The following SH2D4A variants were observed in gnomAD, a reference collection of about 807,000 sequenced individuals.
The protein encoded by SH2D4A is SH2 domain containing 4A.
SH2D4A carries 70 observed loss-of-function variants against 64.7 expected under a neutral mutation model. The ratio of observed to expected loss-of-function variants is 1.08; its 90% CI spans 0.89 to 1.32. The LOEUF is 1.32. Ranked by LOEUF, SH2D4A falls within the 40% of genes most tolerant of loss-of-function variation. SH2D4A has a pLI of 0.00. For missense variants in SH2D4A, 706 were observed against 540.1 expected (o/e 1.31, Z -3.04); for synonymous variants, 268 against 200.7 (o/e 1.34, Z -2.83).
intron 4 of SH2D4A, among the ~76,000 whole-genome samples, chr8:19,338,465 C>G (rs2052477457): frequency 6.6e-6 from 1 of 152,218 alleles, no homozygotes; most frequent in East Asian, 1.9e-4. Flanking sequence ...GAAGATTATC[C>G]TTGAATATCC....
chr8:19,380,648 G>A (rs1249930613), intron 8 of SH2D4A, among the ~76,000 whole-genome samples: 1 of 152,096 alleles, frequency 6.6e-6, no homozygotes, highest in Non-Finnish European at 1.5e-5. Context: ...CCTACTGAAT[G>A]GTGTTAGCAC....
intron 8 of SH2D4A, 83 bp from the exon 9 acceptor site, chr8:19,393,235 T>C: frequency 7.9e-7 from 1 of 1,270,690 alleles, no homozygotes; most frequent in Admixed American, 1.7e-5. Flanking sequence ...TCATTGACTC[T>C]ATATCCATGC....
At position 19,392,682 on chromosome 8, in the gene SH2D4A, G is replaced by A. The variant is rs537736595; in HGVS notation, c.1049-636G>A. 3.0e-4 allele frequency among the ~76,000 whole-genome samples: 45 copies of A among 151,998 alleles called. 1 individual carries two copies. The highest frequency in any genetic ancestry group is 2.3e-3 in the Admixed American group (35 of 15,280). On this transcript the variant is annotated intron_variant, in intron 8 of 9. Coordinates refer to ENST00000265807, the MANE Select transcript of SH2D4A (RefSeq NM_022071.4). ...GCGTTCTGTTAGACCCTTATAAACC[G>A]TCTAACACCTGTGTGTTGCTCTAAA...
intron 4 of SH2D4A, among the ~76,000 whole-genome samples, chr8:19,346,919 C>A (rs372703191): frequency 5.3e-5 from 8 of 152,282 alleles, no homozygotes; most frequent in African/African-American, 1.9e-4. Context: ...CTTCGTCCTT[C>A]GCATTCTTCA....
At chr8:19,358,151 T>C (rs1322945364) in intron 5 of SH2D4A, among the ~76,000 whole-genome samples, 1 of 152,234 alleles carries the variant, frequency 6.6e-6, no homozygotes, top group Non-Finnish European at 1.5e-5. Flanking sequence ...GACATTTTCA[T>C]TAATTCTGCT....
chr8:19,372,212 T>TA (rs1378994769), intron 7 of SH2D4A, among the ~76,000 whole-genome samples: 7 of 152,172 alleles, frequency 4.6e-5, no homozygotes, highest in Non-Finnish European at 1.0e-4. Flanking sequence ...TTAGAATTCT[T>TA]AAATTGTTTC....
chr8:19,351,484 T>G (rs1456344636), intron 4 of SH2D4A, among the ~76,000 whole-genome samples: 1 of 152,082 alleles, frequency 6.6e-6, no homozygotes, highest in East Asian at 1.9e-4. Context: ...GCGCCTGTAG[T>G]CCCAGCTACT....
At chr8:19,372,280 T>C (rs1315650459) in intron 7 of SH2D4A, among the ~76,000 whole-genome samples, 7 of 152,140 alleles carry the variant, frequency 4.6e-5, no homozygotes, top group Admixed American at 4.6e-4. Flanking sequence ...AGTCCAGGCT[T>C]GCTGCAGCTC....
chr8:19,385,470 G>T lies in SH2D4A; in HGVS notation c.1049-7848G>T, dbSNP rs568115319. On this transcript the variant is annotated intron_variant, in intron 8 of 9. Coordinates refer to ENST00000265807, the MANE Select transcript of SH2D4A (RefSeq NM_022071.4). The stretch of plus-strand genomic sequence containing the variant: ...CCCACCTTGGCCTCCCAAAGTGCTG[G>T]GATTACAGGCCTGAGCCACCACGCC... 5.3e-5 allele frequency among the ~76,000 whole-genome samples: 8 copies of T among 152,028 alleles called. No homozygotes were observed. In the East Asian group the frequency reaches 9.7e-4, roughly 18 times the overall value.
chr8:19,338,380 C>A (rs1187443313), intron 4 of SH2D4A, among the ~76,000 whole-genome samples: 5 of 152,158 alleles, frequency 3.3e-5, no homozygotes, highest in African/African-American at 1.2e-4. Flanking sequence ...TTAGATCTCT[C>A]AGACCCACGA....
At chr8:19,364,337 A>C in intron 7 of SH2D4A, 55 bp downstream of exon 7, 2 of 1,588,946 alleles carry the variant, frequency 1.3e-6, no homozygotes, top group Non-Finnish European at 8.6e-7. Context: ...GCTTTGAATA[A>C]GCGTTGAAAT....
rs547017534 is a variant in SH2D4A, at chr8:19,372,438, G to C, written c.918-1092G>C. Among the ~76,000 whole-genome samples, 4 of 152,268 alleles carry C rather than the reference G, an allele frequency of 2.6e-5. No individual in the cohort carries two copies. The South Asian group carries it at 6.2e-4, about 24-fold the overall frequency. On this transcript the variant is annotated intron_variant, in intron 7 of 9. Coordinates refer to ENST00000265807, the MANE Select transcript of SH2D4A (RefSeq NM_022071.4). ...ATGACCCAGACAAGTGTGTCTCCTA[G>C]TGCATCCCTGCAGGGAATGGATACT... is the stretch of plus-strand genomic sequence containing the variant.
chr8:19,336,923 T>C (rs1325287598), intron 4 of SH2D4A, among the ~76,000 whole-genome samples: 1 of 151,512 alleles, frequency 6.6e-6, no homozygotes. Flanking sequence ...ACAGTACTTT[T>C]TTAGACCTTT....
intron 1 of SH2D4A, among the ~76,000 whole-genome samples, chr8:19,317,934 C>T (rs985360710): frequency 1.3e-5 from 2 of 151,786 alleles, no homozygotes; most frequent in Non-Finnish European, 2.9e-5. Flanking sequence ...CAGAGTCTCC[C>T]TCTGTTGCCC....
intron 8 of SH2D4A, among the ~76,000 whole-genome samples, chr8:19,376,911 C>A (rs1378335050): frequency 6.6e-6 from 1 of 152,098 alleles, no homozygotes; most frequent in Non-Finnish European, 1.5e-5. Flanking sequence ...AAAGATCATA[C>A]AAATTTTAAT....
At chr8:19,368,456 A>G (rs1160420264) in intron 7 of SH2D4A, among the ~76,000 whole-genome samples, 1 of 152,064 alleles carries the variant, frequency 6.6e-6, no homozygotes, top group East Asian at 1.9e-4. Flanking sequence ...TAGTACAGCC[A>G]TTTTGACTAT....
At position 19,395,457 on chromosome 8, in the gene SH2D4A, T is replaced by G. The variant is rs1441582944; in HGVS notation, c.*815T>G. The G allele has an allele frequency of 6.6e-6, 1 of 152,286 alleles. No individual in the cohort carries two copies. Among genetic ancestry groups the G allele is most frequent in the Non-Finnish European group, 1.5e-5 (1 of 68,114 alleles). 9.4% of individuals were successfully genotyped at this position (152,286 alleles called of 1,614,324 possible). ...TCCCCCAAAATATATGGTGAAGTCT[T>G]AACCCCCATCCCCGTGAATGGGACC... is the stretch of plus-strand genomic sequence containing the variant. On this transcript the variant is annotated 3_prime_UTR_variant, in exon 10 of 10. Transcript: ENST00000265807.
intron 4 of SH2D4A, among the ~76,000 whole-genome samples, chr8:19,343,642 A>C (rs1324540127): frequency 6.6e-6 from 1 of 152,202 alleles, no homozygotes; most frequent in East Asian, 1.9e-4. Flanking sequence ...TCTCCTACCC[A>C]GGGGCTGCAC....
At chr8:19,380,607 C>T (rs1357084976) in intron 8 of SH2D4A, among the ~76,000 whole-genome samples, 2 of 152,116 alleles carry the variant, frequency 1.3e-5, no homozygotes, top group Non-Finnish European at 1.5e-5. Flanking sequence ...GCAATTTTAC[C>T]AGCACCATTT....
Sources: gnomAD v4.1 joint callset for allele counts (sites outside exome capture counted in the v4.1 genomes callset) on GRCh38, gnomAD v4.1.1 for gene constraint, MANE v1.5 for transcripts, NCBI Gene and HGNC (gene_info 2026-07-23, HGNC 2026-07-21) for gene names.